The following QTMAN variants were observed in gnomAD, a reference collection of about 807,000 sequenced individuals.
The protein encoded by QTMAN is tRNA-queuosine alpha-mannosyltransferase.
chr2:143,961,569 T>C, the QTMAN span, among the ~76,000 whole-genome samples: 1 of 152,184 alleles, frequency 6.6e-6, no homozygotes, highest in Non-Finnish European at 1.5e-5. Flanking sequence ...GGACAGCTTA[T>C]GAAAATGACA....
the QTMAN span, among the ~76,000 whole-genome samples, chr2:144,155,617 ATGTAAGTTCTATCATCAC>A: frequency 6.6e-6 from 1 of 152,114 alleles, no homozygotes; most frequent in African/African-American, 2.4e-5. Context: ...AAGGTAATGG[ATGTAAGTTCTATCATCAC>A]TGCAATCCGA....
chr2:144,156,678 A>G, the QTMAN span, among the ~76,000 whole-genome samples: 1 of 152,118 alleles, frequency 6.6e-6, no homozygotes, highest in Non-Finnish European at 1.5e-5. Context: ...TAACAAACAA[A>G]AACATTGGTT....
At chr2:144,202,861 A>C in the QTMAN span, among the ~76,000 whole-genome samples, 1 of 152,204 alleles carries the variant, frequency 6.6e-6, no homozygotes, top group African/African-American at 2.4e-5. Flanking sequence ...ATAAGCTAGA[A>C]AGGATATTAA....
At chr2:144,289,392 A>G in the QTMAN span, among the ~76,000 whole-genome samples, 23 of 152,356 alleles carry the variant, frequency 1.5e-4, no homozygotes, top group African/African-American at 4.6e-4. Flanking sequence ...TTATTTCCCT[A>G]TGAAACTCAT....
the QTMAN span, among the ~76,000 whole-genome samples, chr2:144,069,178 T>C: frequency 6.6e-6 from 1 of 151,860 alleles, no homozygotes; most frequent in Non-Finnish European, 1.5e-5. Context: ...ATGGTACTGA[T>C]GACAAAATTT....
At chr2:143,979,812 T>G in the QTMAN span, among the ~76,000 whole-genome samples, 1 of 152,222 alleles carries the variant, frequency 6.6e-6, no homozygotes, top group African/African-American at 2.4e-5. Flanking sequence ...GTTTCCAATT[T>G]TTTGATGTTT....
At chr2:143,975,804 A>T in the QTMAN span, among the ~76,000 whole-genome samples, 1 of 152,158 alleles carries the variant, frequency 6.6e-6, no homozygotes, top group Non-Finnish European at 1.5e-5. Context: ...AAAGCCACCT[A>T]AACATGCAGC....
the QTMAN span, among the ~76,000 whole-genome samples, chr2:144,117,616 G>A: frequency 1.3e-5 from 2 of 152,134 alleles, no homozygotes; most frequent in Non-Finnish European, 2.9e-5. Flanking sequence ...TTTTGCTAGT[G>A]TCTTGTTTGC....
chr2:144,263,625 G>A, the QTMAN span, among the ~76,000 whole-genome samples: 2 of 152,190 alleles, frequency 1.3e-5, no homozygotes, highest in Non-Finnish European at 2.9e-5. Flanking sequence ...TTGGGAGGCT[G>A]AGGCAGGAGA....
At chr2:144,208,215 C>A in the QTMAN span, among the ~76,000 whole-genome samples, 1 of 152,170 alleles carries the variant, frequency 6.6e-6, no homozygotes, top group Non-Finnish European at 1.5e-5. Flanking sequence ...CCTATCTCTA[C>A]CTCAACAGAC....
the QTMAN span, among the ~76,000 whole-genome samples, chr2:144,022,542 ATCTC>A: frequency 1.3e-3 from 151 of 117,568 alleles, no homozygotes; most frequent in Admixed American, 1.7e-3. Flanking sequence ...TTCTCATTCT[ATCTC>A]TCTCTCTCTC....
the QTMAN span, among the ~76,000 whole-genome samples, chr2:144,041,409 G>A: frequency 1.1e-4 from 16 of 152,164 alleles, no homozygotes; most frequent in Non-Finnish European, 2.1e-4. Flanking sequence ...AATAATTCAA[G>A]GGAAAAATAC....
At chr2:144,221,601 T>C in the QTMAN span, among the ~76,000 whole-genome samples, 20 of 152,342 alleles carry the variant, frequency 1.3e-4, no homozygotes, top group East Asian at 3.9e-3. Context: ...GTTATCTTCA[T>C]TGAATATGTT....
the QTMAN span, among the ~76,000 whole-genome samples, chr2:144,246,370 G>A: frequency 1.3e-5 from 2 of 150,724 alleles, no homozygotes; most frequent in African/African-American, 4.9e-5. Flanking sequence ...TCAGGAGATC[G>A]AGACCATCCT....
chr2:144,077,623 A>G, the QTMAN span, among the ~76,000 whole-genome samples: 2 of 152,136 alleles, frequency 1.3e-5, no homozygotes, highest in African/African-American at 4.8e-5. Context: ...TAAAAAATTA[A>G]TATATATGTA....
At chr2:144,145,105 A>AT in the QTMAN span, among the ~76,000 whole-genome samples, 553 of 149,526 alleles carry the variant, frequency 3.7e-3, 3 homozygotes, top group African/African-American at 0.012. Context: ...CTGTCTTACA[A>AT]TTTAAAAAAA....
the QTMAN span, among the ~76,000 whole-genome samples, chr2:144,280,147 T>C: frequency 4.6e-5 from 7 of 152,114 alleles, no homozygotes; most frequent in Non-Finnish European, 1.0e-4. Context: ...AAGTATTCAG[T>C]GTATTTCTAG....
the QTMAN span, chr2:144,006,855 G>T: frequency 1.0e-5 from 2 of 191,636 alleles, no homozygotes; most frequent in East Asian, 1.3e-4. Context: ...TGTGATAACT[G>T]TGTGTGTGTG....
At chr2:144,242,960 T>TAACAAA in the QTMAN span, among the ~76,000 whole-genome samples, 1 of 77,806 alleles carries the variant, frequency 1.3e-5, no homozygotes, top group African/African-American at 6.3e-5. Context: ...AGACTCTACT[T>TAACAAA]AAAAAAAAAA....
Sources: gnomAD v4.1 joint callset for allele counts (sites outside exome capture counted in the v4.1 genomes callset) on GRCh38, gnomAD v4.1.1 for gene constraint, MANE v1.5 for transcripts, NCBI Gene and HGNC (gene_info 2026-07-23, HGNC 2026-07-21) for gene names.